The following RBFOX1 variants were observed in gnomAD, a reference collection of about 807,000 sequenced individuals.
RBFOX1 encodes the protein RNA binding protein fox-1 homolog 1.
Under a neutral mutation model 57.7 loss-of-function variants are expected in RBFOX1, and 8 were observed. The observed-to-expected ratio is 0.14, with a 90% CI of 0.08 to 0.25. The LOEUF (loss-of-function observed/expected upper bound fraction) is 0.25, where lower values mean the gene tolerates loss of function less well. Ranked by LOEUF, RBFOX1 falls within the 10% of genes least tolerant of loss-of-function variation. RBFOX1 has a pLI of 1.00. For missense variants in RBFOX1, 611 were observed against 548.5 expected (o/e 1.11, Z -1.14); for synonymous variants, 326 against 222.4 (o/e 1.47, Z -4.15).
intron 4 of RBFOX1, among the ~76,000 whole-genome samples, chr16:7,293,324 A>G (rs947593565): frequency 1.1e-4 from 16 of 152,194 alleles, no homozygotes; most frequent in Admixed American, 2.0e-4. Context: ...TGTGTAGGTT[A>G]TAAGCAAATA....
intron 3 of RBFOX1, chr16:6,704,956 G>A (rs922812452): frequency 6.6e-6 from 1 of 152,126 alleles, no homozygotes; most frequent in Non-Finnish European, 1.5e-5. Flanking sequence ...AGTCGTGCCA[G>A]ATTCTTTATT....
chr16:5,873,146 A>G (rs914609426), intron 4 of RBFOX1, among the ~76,000 whole-genome samples: 1 of 151,548 alleles, frequency 6.6e-6, no homozygotes, highest in Admixed American at 6.6e-5. Context: ...GCAAGACTCC[A>G]TCTCAAAACA....
intron 1 of RBFOX1, among the ~76,000 whole-genome samples, chr16:6,220,591 A>C (rs1196289304): frequency 6.6e-6 from 1 of 152,218 alleles, no homozygotes; most frequent in Non-Finnish European, 1.5e-5. Flanking sequence ...AATTTCTGAA[A>C]AGCCTGTTTT....
At chr16:7,019,241 T>G (rs1041462288) in intron 3 of RBFOX1, among the ~76,000 whole-genome samples, 1 of 152,120 alleles carries the variant, frequency 6.6e-6, no homozygotes, top group Non-Finnish European at 1.5e-5. Context: ...TTGCCTTGTT[T>G]AGGTTTTGTT....
At chr16:7,528,729 G>A (rs1429318693) in intron 5 of RBFOX1, among the ~76,000 whole-genome samples, 1 of 152,194 alleles carries the variant, frequency 6.6e-6, no homozygotes, top group East Asian at 1.9e-4. Context: ...TTAGTCAACA[G>A]TCATTTTATG....
intron 3 of RBFOX1, among the ~76,000 whole-genome samples, chr16:6,914,513 A>G (rs538521556): frequency 5.3e-4 from 81 of 152,216 alleles, no homozygotes; most frequent in South Asian, 1.2e-3. Context: ...ACCTTTGATA[A>G]GTGAGAATCT....
chr16:6,300,817 G>C (rs959252918), intron 1 of RBFOX1, among the ~76,000 whole-genome samples: 2 of 152,086 alleles, frequency 1.3e-5, no homozygotes, highest in African/African-American at 4.8e-5. Context: ...AGGATACATT[G>C]CTCTTCAGTT....
chr16:6,231,448 T>C (rs951816397), intron 1 of RBFOX1, among the ~76,000 whole-genome samples: 1 of 152,136 alleles, frequency 6.6e-6, no homozygotes, highest in Non-Finnish European at 1.5e-5. Context: ...TATATAAAGA[T>C]AAGGATAGGG....
At chr16:6,763,058 C>G (rs1221234939) in intron 3 of RBFOX1, among the ~76,000 whole-genome samples, 4 of 152,120 alleles carry the variant, frequency 2.6e-5, no homozygotes, top group Non-Finnish European at 4.4e-5. Context: ...TTATTAAGGT[C>G]CTACAATATA....
At position 6,606,348 on chromosome 16, in the gene RBFOX1, C is replaced by T. The variant is rs2097924845; in HGVS notation, c.-63-48255C>T. ...TTGATGAATTTGGGGTTGCATGTCTCAAAAATGACTGTACGTGTTTTAAAA... is the reference window on the plus strand; with the variant it reads ...TTGATGAATTTGGGGTTGCATGTCTTAAAAATGACTGTACGTGTTTTAAAA... On this transcript the variant is annotated intron_variant, in intron 2 of 15. Transcript: ENST00000550418. Among the ~76,000 whole-genome samples, 7 of 152,256 alleles carry T rather than the reference C, an allele frequency of 4.6e-5. No homozygotes were observed. The South Asian group carries it at 1.5e-3, about 32-fold the overall frequency.
intron 2 of RBFOX1, among the ~76,000 whole-genome samples, chr16:6,501,388 G>A (rs1210691517): frequency 6.7e-6 from 1 of 149,132 alleles, no homozygotes; most frequent in Non-Finnish European, 1.5e-5. Context: ...AGAACATGTG[G>A]TGTTTGTTTT....
At chr16:6,869,167 TCTG>T (rs1441274722) in intron 3 of RBFOX1, among the ~76,000 whole-genome samples, 3 of 152,226 alleles carry the variant, frequency 2.0e-5, no homozygotes, top group Non-Finnish European at 4.4e-5. Context: ...TGTCATATCT[TCTG>T]CTGCTTTGCA....
intron 3 of RBFOX1, among the ~76,000 whole-genome samples, chr16:5,812,042 C>T (rs760530114): frequency 3.3e-5 from 5 of 152,170 alleles, no homozygotes; most frequent in African/African-American, 7.2e-5. Context: ...ATAGAAAGAA[C>T]GTAGTCTTTT....
intron 3 of RBFOX1, among the ~76,000 whole-genome samples, chr16:6,860,827 G>A (rs72768866): frequency 0.21 from 32,457 of 152,070 alleles, 4,404 homozygotes; most frequent in Admixed American, 0.35. Context: ...TTTATGTACA[G>A]TTTTTGGACA....
rs555191449 is a variant in RBFOX1 at position 6,277,306 on chromosome 16, C to A, written c.-126-39689C>A. Among the ~76,000 whole-genome samples the A allele has an allele frequency of 8.6e-5, 13 of 151,164 alleles. 1 individual carries two copies. In the East Asian group the frequency reaches 1.4e-3, roughly 16 times the overall value. On this transcript the variant is annotated intron_variant, in intron 1 of 15. Coordinates refer to ENST00000550418, the MANE Select transcript of RBFOX1 (RefSeq NM_018723.4). The stretch of plus-strand genomic sequence containing the variant: ...TGAAACCCCATCTCTACCAAAAATA[C>A]GAAACTTAGCCAGGTGTGATGGTGT...
intron 3 of RBFOX1, among the ~76,000 whole-genome samples, chr16:5,637,504 A>G (rs1455540487): frequency 2.0e-5 from 3 of 152,236 alleles, no homozygotes; most frequent in Non-Finnish European, 4.4e-5. Flanking sequence ...GCTAATGTCT[A>G]TAATGTGCTT....
At chr16:6,167,931 C>T (rs2096929664) in intron 1 of RBFOX1, among the ~76,000 whole-genome samples, 1 of 152,122 alleles carries the variant, frequency 6.6e-6, no homozygotes, top group African/African-American at 2.4e-5. Flanking sequence ...GATTATGGGT[C>T]AAAGTGAAGG....
intron 2 of RBFOX1, among the ~76,000 whole-genome samples, chr16:6,553,628 G>A (rs1054334043): frequency 6.6e-6 from 1 of 151,964 alleles, no homozygotes; most frequent in Non-Finnish European, 1.5e-5. Flanking sequence ...ACGCGGTGGG[G>A]ATGGACGATC....
At chr16:7,155,758 C>CAG (rs2076986650) in intron 4 of RBFOX1, among the ~76,000 whole-genome samples, 1 of 138,874 alleles carries the variant, frequency 7.2e-6, no homozygotes, top group Non-Finnish European at 1.5e-5. Flanking sequence ...CACACACACA[C>CAG]ACACACATAT....
Sources: gnomAD v4.1 joint callset for allele counts (sites outside exome capture counted in the v4.1 genomes callset) on GRCh38, gnomAD v4.1.1 for gene constraint, MANE v1.5 for transcripts, NCBI Gene and HGNC (gene_info 2026-07-23, HGNC 2026-07-21) for gene names.